DIAPH3: variants seen among roughly 807,000 people sequenced by gnomAD.
DIAPH3 encodes diaphanous related formin 3.
A neutral mutation model predicts 144.3 loss-of-function variants in DIAPH3; 117 were observed. The observed-to-expected ratio is 0.81, with a 90% CI of 0.70 to 0.95. The LOEUF is 0.95. Ranked by LOEUF, DIAPH3 falls within the 40% of genes least tolerant of loss-of-function variation. DIAPH3 has a pLI of 0.00. For synonymous variants in DIAPH3, 519 were observed against 488.9 expected, an observed-to-expected ratio of 1.06 and a Z score of -0.81; for missense variants, 1,421 against 1,412.7, an observed-to-expected ratio of 1.01 and a Z score of -0.09.
intron 3 of DIAPH3, among the ~76,000 whole-genome samples, chr13:60,099,951 G>GGAAA (rs1555375028): frequency 1.4e-4 from 20 of 140,202 alleles, no homozygotes; most frequent in African/African-American, 6.3e-4. Context: ...AAGGAAGGAA[G>GGAAA]GAAGGAAGGA....
intron 23 of DIAPH3, chr13:59,838,362 A>C (rs970494531): frequency 1.3e-5 from 2 of 152,088 alleles, no homozygotes; most frequent in Non-Finnish European, 2.9e-5. Flanking sequence ...AAGAAACCTT[A>C]AACAGGACAC....
intron 18 of DIAPH3, among the ~76,000 whole-genome samples, chr13:59,919,633 GC>G (rs1202584978): frequency 1.3e-5 from 2 of 152,022 alleles, no homozygotes; most frequent in Admixed American, 1.3e-4. Context: ...ACAATCAACA[GC>G]CCTGTCTTAT....
chr13:60,124,560 T>G (rs1175893741), intron 2 of DIAPH3, among the ~76,000 whole-genome samples: 1 of 152,164 alleles, frequency 6.6e-6, no homozygotes, highest in Non-Finnish European at 1.5e-5. Context: ...AATGATTTTC[T>G]CCGGATTAAG....
At chr13:59,825,254 T>C (rs1288378450) in intron 24 of DIAPH3, among the ~76,000 whole-genome samples, 1 of 152,122 alleles carries the variant, frequency 6.6e-6, no homozygotes, top group Admixed American at 6.5e-5. Flanking sequence ...GTTCTCATTG[T>C]TCAATTCCCA....
intron 25 of DIAPH3, among the ~76,000 whole-genome samples, chr13:59,797,207 A>G (rs903567956): frequency 6.6e-6 from 1 of 152,040 alleles, no homozygotes; most frequent in African/African-American, 2.4e-5. Flanking sequence ...TGTTCTCCTT[A>G]TAAGTTGTGG....
At chr13:59,828,632 A>AC (rs1491177132) in intron 24 of DIAPH3, among the ~76,000 whole-genome samples, 2 of 9,228 alleles carry the variant, frequency 2.2e-4, no homozygotes, top group Non-Finnish European at 6.5e-4. Context: ...TCTGGACCTC[A>AC]AAAAAAAAAA....
At chr13:60,122,489 C>G (rs2058872165) in intron 2 of DIAPH3, among the ~76,000 whole-genome samples, 1 of 152,164 alleles carries the variant, frequency 6.6e-6, no homozygotes, top group African/African-American at 2.4e-5. Context: ...ACTAAACCCC[C>G]TCTGAACTTA....
At chr13:59,703,505 C>T (rs1651039346) in intron 27 of DIAPH3, among the ~76,000 whole-genome samples, 2 of 152,262 alleles carry the variant, frequency 1.3e-5, no homozygotes, top group Admixed American at 1.3e-4. Flanking sequence ...GTTCACCTCT[C>T]CTGTTTTCTG....
chr13:59,890,955 A>G (rs911872254), intron 20 of DIAPH3, among the ~76,000 whole-genome samples: 3 of 147,586 alleles, frequency 2.0e-5, no homozygotes, highest in Admixed American at 6.8e-5. Context: ...CAAGAGCATG[A>G]CATAAAAGTG....
chr13:59,932,693 G>T (rs1475696940), intron 17 of DIAPH3, among the ~76,000 whole-genome samples: 1 of 152,126 alleles, frequency 6.6e-6, no homozygotes, highest in African/African-American at 2.4e-5. Context: ...TATATACCCA[G>T]TAAGGTAATC....
At chr13:59,910,615 G>C (rs2046949908) in intron 20 of DIAPH3, among the ~76,000 whole-genome samples, 1 of 151,834 alleles carries the variant, frequency 6.6e-6, no homozygotes, top group Non-Finnish European at 1.5e-5. Context: ...TATAATCCCA[G>C]CTACTCAGGA....
intron 27 of DIAPH3, among the ~76,000 whole-genome samples, chr13:59,739,258 C>G (rs2036317510): frequency 6.6e-6 from 1 of 152,164 alleles, no homozygotes; most frequent in Non-Finnish European, 1.5e-5. Context: ...TACTGAATTG[C>G]AGTTCGAATC....
intron 5 of DIAPH3, among the ~76,000 whole-genome samples, chr13:60,032,013 C>G (rs182673640): frequency 5.1e-4 from 78 of 152,164 alleles, no homozygotes; most frequent in Admixed American, 1.4e-3. Flanking sequence ...GCGTGAGTCA[C>G]CGCACCTGGC....
intron 5 of DIAPH3, among the ~76,000 whole-genome samples, chr13:60,026,986 C>G (rs2054421034): frequency 6.6e-6 from 1 of 152,164 alleles, no homozygotes. Context: ...ATGTGACAAA[C>G]TAACAAATTT....
chr13:60,097,561 A>G (rs73218534), intron 3 of DIAPH3, among the ~76,000 whole-genome samples: 7,057 of 152,254 alleles, frequency 0.046, 200 homozygotes, highest in East Asian at 0.1. Context: ...ACAGCCAAAT[A>G]AACCTCTTTT....
At chr13:60,025,395 T>A (rs1425056361) in intron 5 of DIAPH3, among the ~76,000 whole-genome samples, 1 of 130,194 alleles carries the variant, frequency 7.7e-6, no homozygotes, top group Non-Finnish European at 1.6e-5. Context: ...TATTTCTAGT[T>A]GTGCTTAGCA....
At chr13:59,718,038 T>C (rs575583723) in intron 27 of DIAPH3, among the ~76,000 whole-genome samples, 1 of 152,312 alleles carries the variant, frequency 6.6e-6, no homozygotes, top group South Asian at 2.1e-4. Flanking sequence ...CTGTATATAT[T>C]AGGCACTAGC....
In DIAPH3 at chr13:59,983,760, A is replaced by C. The variant is rs2051186825; in HGVS notation, c.1480+9T>G. On this transcript the variant is annotated intron_variant, in intron 13 of 27. Transcript: ENST00000400324. Reference sequence around the variant, plus strand: ...ATAAGATATTTCTATTTAAATAATAAATACTCACCTACAAACTGGGTTAAA... The same window carrying C: ...ATAAGATATTTCTATTTAAATAATACATACTCACCTACAAACTGGGTTAAA... 4.0e-6 allele frequency: 6 copies of C among 1,511,396 alleles called. No homozygotes were observed. Among genetic ancestry groups the C allele is most frequent in the Non-Finnish European group, 5.5e-6 (6 of 1,088,820 alleles). The allele number at this position is 1,511,396 out of a possible 1,614,324, so 93.6% of individuals were successfully genotyped here. A position where few individuals can be genotyped will look rare whatever the true frequency, so the allele number is the denominator to read the frequency against.
intron 2 of DIAPH3, among the ~76,000 whole-genome samples, chr13:60,123,419 A>G (rs1042197239): frequency 1.3e-5 from 2 of 152,218 alleles, no homozygotes; most frequent in South Asian, 4.1e-4. Context: ...ACATATTAGT[A>G]TATTCAACTC....
Sources: gnomAD v4.1 joint callset for allele counts (sites outside exome capture counted in the v4.1 genomes callset) on GRCh38, gnomAD v4.1.1 for gene constraint, MANE v1.5 for transcripts, NCBI Gene and HGNC (gene_info 2026-07-23, HGNC 2026-07-21) for gene names.